Variants in STAG1 observed in about 807,000 individuals in gnomAD.
STAG1 encodes STAG1 cohesin complex component.
A neutral mutation model predicts 170.9 loss-of-function variants in STAG1; 26 were observed. The observed-to-expected ratio is 0.15, with a 90% CI of 0.11 to 0.21. STAG1 has a LOEUF of 0.21. Among genes scored for constraint, STAG1 ranks in the 10% least tolerant of loss-of-function variants. STAG1 has a pLI of 1.00. For synonymous variants in STAG1, 514 were observed against 497.7 expected, an observed-to-expected ratio of 1.03 and a Z score of -0.44; for missense variants, 964 against 1,509.5, an observed-to-expected ratio of 0.64 and a Z score of 5.99.
chr3:136,719,905 G>A (rs375752915), intron 1 of STAG1, among the ~76,000 whole-genome samples: 5 of 152,086 alleles, frequency 3.3e-5, no homozygotes, highest in African/African-American at 4.8e-5. Context: ...GTCCGGGAGC[G>A]GTGGCTCATG....
rs1314890984 is a variant in STAG1, at chr3:136,336,771, CCAT to C, written c.*1480_*1482del. Reference sequence around the variant, plus strand: ...TTACTAAAAGGATGAATAAAATCATCCATCATCATCTTGCTTTCCCGCACAAAA... The same window carrying C: ...TTACTAAAAGGATGAATAAAATCATCCATCATCTTGCTTTCCCGCACAAAA... On this transcript the variant is annotated 3_prime_UTR_variant, in exon 34 of 34. Coordinates refer to ENST00000383202, the MANE Select transcript of STAG1 (RefSeq NM_005862.3). 2 of 152,210 alleles carry C rather than the reference CCAT, an allele frequency of 1.3e-5. No homozygotes were observed. The highest frequency in any genetic ancestry group is 4.8e-5 in the African/African-American group (2 of 41,450). 9.4% of individuals were successfully genotyped at this position (152,210 alleles called of 1,614,324 possible).
intron 22 of STAG1, among the ~76,000 whole-genome samples, chr3:136,389,975 G>A (rs1282228339): frequency 2.0e-5 from 3 of 151,772 alleles, no homozygotes; most frequent in Non-Finnish European, 4.4e-5. Context: ...GGGACTACAG[G>A]TGCCCGCCAC....
In STAG1 at chr3:136,366,946, C is replaced by T; in HGVS notation, c.2682G>A (p.Met894Ile). 1 of 1,592,664 alleles carries T rather than the reference C, an allele frequency of 6.3e-7. No homozygotes were observed. The highest frequency in any genetic ancestry group is 8.6e-7 in the Non-Finnish European group (1 of 1,166,550). The change falls in exon 25 of 34, where the codon ATG becomes ATA. Residue 894 changes from methionine to isoleucine, a missense_variant. By Grantham distance (10) the Met-to-Ile change is conservative (BLOSUM62 1). Coordinates refer to ENST00000383202, the MANE Select transcript of STAG1 (RefSeq NM_005862.3). ...HAAADIFKHY[M>I]KYYNDYGDII... ...AAATAAGAATATTTAACTATACCTT[C>T]ATGTAGTGTTTGAAGATGTCTGCAG...
chr3:136,415,935 T>C (rs1576443893), intron 21 of STAG1, among the ~76,000 whole-genome samples: 1 of 152,216 alleles, frequency 6.6e-6, no homozygotes, highest in Non-Finnish European at 1.5e-5. Context: ...TCTAGTCATA[T>C]TTGAGTCATG....
chr3:136,366,825 A>C (rs1937090547), intron 25 of STAG1, 118 bp downstream of exon 25: 4 of 744,312 alleles, frequency 5.4e-6, no homozygotes, highest in Non-Finnish European at 8.3e-6. Context: ...CTTTATCATA[A>C]AATCATCCAC....
intron 4 of STAG1, among the ~76,000 whole-genome samples, chr3:136,579,863 G>A (rs1016260777): frequency 6.6e-6 from 1 of 151,172 alleles, no homozygotes; most frequent in African/African-American, 2.4e-5. Context: ...AAATGCCAGA[G>A]GAGAAAAAAG....
intron 1 of STAG1, among the ~76,000 whole-genome samples, chr3:136,735,950 G>A (rs1169061526): frequency 2.6e-5 from 4 of 152,158 alleles, no homozygotes; most frequent in Non-Finnish European, 4.4e-5. Flanking sequence ...GTCAGTAGAC[G>A]GGGGCACATG....
chr3:136,530,380 T>C (rs1473413804), intron 6 of STAG1, among the ~76,000 whole-genome samples: 1 of 152,194 alleles, frequency 6.6e-6, no homozygotes, highest in Non-Finnish European at 1.5e-5. Flanking sequence ...TTGACATTTA[T>C]AGGACATTTT....
intron 1 of STAG1, among the ~76,000 whole-genome samples, chr3:136,671,721 T>C (rs1049709157): frequency 6.6e-6 from 1 of 151,844 alleles, no homozygotes; most frequent in Non-Finnish European, 1.5e-5. Context: ...TGAAACCCCA[T>C]TTCTACAAAC....
chr3:136,737,160 A>AC lies in STAG1; in HGVS notation c.-84+15034dup, dbSNP rs563549969. On this transcript the variant is annotated intron_variant, in intron 1 of 33. Transcript: ENST00000383202. ...CAAGTCTCTCTTCTCTATTTGTTTC[A>AC]CCTCACTGTAGAAGGTCATAAATGC... 7.3e-4 allele frequency: 563 copies of AC among 768,450 alleles called. 7 individuals are homozygous for AC. The East Asian group carries it at 0.01, about 14-fold the overall frequency. The allele number at this position is 768,450 out of a possible 1,614,324, so 47.6% of individuals were successfully genotyped here. A position where few individuals can be genotyped will look rare whatever the true frequency, so the allele number is the denominator to read the frequency against.
chr3:136,731,439 T>C (rs1934035204), intron 1 of STAG1, among the ~76,000 whole-genome samples: 1 of 152,206 alleles, frequency 6.6e-6, no homozygotes, highest in Non-Finnish European at 1.5e-5. Flanking sequence ...CCCTACCACT[T>C]TGGCCAAGTA....
At chr3:136,549,913 G>A (rs967217586) in intron 5 of STAG1, among the ~76,000 whole-genome samples, 2 of 151,924 alleles carry the variant, frequency 1.3e-5, no homozygotes, top group African/African-American at 2.4e-5. Context: ...CTCTTTGTCT[G>A]GTATCTACTG....
At chr3:136,698,017 T>TG (rs1307713490) in intron 1 of STAG1, among the ~76,000 whole-genome samples, 28 of 151,130 alleles carry the variant, frequency 1.9e-4, no homozygotes, top group Admixed American at 4.0e-4. Context: ...GATTACGTCT[T>TG]GGGAAAAAAA....
chr3:136,412,555 T>A (rs372662206), intron 21 of STAG1, among the ~76,000 whole-genome samples: 1 of 152,310 alleles, frequency 6.6e-6, no homozygotes, highest in South Asian at 2.1e-4. Flanking sequence ...ATAATATGAA[T>A]AATGAACAAA....
At chr3:136,591,571 A>C (rs78210007) in intron 4 of STAG1, 3 of 437,428 alleles carry the variant, frequency 6.9e-6, no homozygotes, top group Non-Finnish European at 1.4e-5. Context: ...AAAAAAAAAA[A>C]TTATCTGTTA....
intron 6 of STAG1, among the ~76,000 whole-genome samples, chr3:136,527,651 G>C (rs972588544): frequency 6.6e-6 from 1 of 152,192 alleles, no homozygotes; most frequent in Non-Finnish European, 1.5e-5. Flanking sequence ...TTTGGAGGGG[G>C]AGAGGCAATC....
rs772305467 is a variant in STAG1, at chr3:136,538,413, C to CTT, written c.471+3704_471+3705dup. 8.1e-4 allele frequency among the ~76,000 whole-genome samples: 112 copies of CTT among 139,034 alleles called. 1 individual carries two copies. Among genetic ancestry groups the CTT allele is most frequent in the Middle Eastern group, 3.8e-3 (1 of 266 alleles). 91.2% of individuals were successfully genotyped at this position (139,034 alleles called of 152,430 possible). Reference sequence around the variant, plus strand: ...GTCTCAAATAATCACCATATAGTTACTTTTTTTTTTTTTTCTTTTTTGAGA... The same window carrying CTT: ...GTCTCAAATAATCACCATATAGTTACTTTTTTTTTTTTTTTTCTTTTTTGAGA... On this transcript the variant is annotated intron_variant, in intron 6 of 33. Coordinates refer to ENST00000383202, the MANE Select transcript of STAG1 (RefSeq NM_005862.3).
At chr3:136,550,311 C>CT (rs150817952) in intron 5 of STAG1, among the ~76,000 whole-genome samples, 1,514 of 141,420 alleles carry the variant, frequency 0.011, 15 homozygotes, top group African/African-American at 0.025. Context: ...TCTGTTCAGC[C>CT]TTTTTTTTTT....
intron 9 of STAG1, among the ~76,000 whole-genome samples, chr3:136,491,565 T>A (rs1297222174): frequency 6.6e-6 from 1 of 152,226 alleles, no homozygotes; most frequent in Non-Finnish European, 1.5e-5. Flanking sequence ...AAGAAACTGA[T>A]CATTTGGTCT....
Sources: allele counts gnomAD v4.1 joint callset (sites outside exome capture counted in the v4.1 genomes callset), GRCh38; gene constraint gnomAD v4.1.1; transcripts MANE v1.5; gene names NCBI Gene and HGNC (gene_info 2026-07-23, HGNC 2026-07-21).